The following CKAP2L variants were observed in gnomAD, a reference collection of about 807,000 sequenced individuals.
The protein encoded by CKAP2L is cytoskeleton-associated protein 2-like.
In CKAP2L, 42 loss-of-function variants were observed where a neutral mutation model predicts 65.7. That is an observed-to-expected ratio of 0.64 (90% CI 0.50 to 0.83). The LOEUF is 0.83. Ranked by LOEUF, CKAP2L falls within the 40% of genes least tolerant of loss-of-function variation. CKAP2L has a pLI of 0.00. For missense variants in CKAP2L, 908 were observed against 871.0 expected (o/e 1.04, Z -0.53); for synonymous variants, 325 against 313.5 (o/e 1.04, Z -0.39).
intron 7 of CKAP2L, among the ~76,000 whole-genome samples, chr2:112,741,940 G>GT (rs57634251): frequency 0.017 from 1,200 of 71,920 alleles, 30 homozygotes; most frequent in Middle Eastern, 0.1. Flanking sequence ...TTTCTTTTCT[G>GT]TTTTTTTTTT....
At chr2:112,742,882 T>C in intron 6 of CKAP2L, 113 bp from the exon 7 acceptor site, 1 of 669,406 alleles carries the variant, frequency 1.5e-6, no homozygotes, top group Non-Finnish European at 2.5e-6. Flanking sequence ...TTTTAAAATC[T>C]CGTCTAACTA....
Position 112,756,331 on chromosome 2 carries a change from CTGT to C in CKAP2L, c.1037_1039del (p.Asn346del). 1.9e-6 allele frequency: 3 copies of C among 1,613,532 alleles called. No individual in the cohort carries two copies. Among genetic ancestry groups the C allele is most frequent in the South Asian group, 2.2e-5 (2 of 91,002 alleles). Reference sequence around the variant, plus strand: ...CTGATCTTGCTTGATGTTTGGATGTCTGTTGTTATATTCACCCTGAAGCAAACT... The same window carrying C: ...CTGATCTTGCTTGATGTTTGGATGTCTGTTATATTCACCCTGAAGCAAACT... On this transcript the variant is annotated inframe_deletion, in exon 4 of 9. Transcript: ENST00000302450.
chr2:112,749,859 G>A (rs1475859024), intron 5 of CKAP2L, among the ~76,000 whole-genome samples: 2 of 152,166 alleles, frequency 1.3e-5, no homozygotes, highest in African/African-American at 4.8e-5. Flanking sequence ...GGGCACGAGA[G>A]GGAGGCTGCA....
chr2:112,761,120 C>T (rs753802936), intron 2 of CKAP2L, among the ~76,000 whole-genome samples: 2 of 152,024 alleles, frequency 1.3e-5, no homozygotes, highest in Non-Finnish European at 2.9e-5. Context: ...CTGCAATGTG[C>T]CAGACACCGA....
chr2:112,756,027 C>G lies in CKAP2L; in HGVS notation c.1344G>C (p.Gly448=). The G allele has an allele frequency of 1.2e-6, 2 of 1,607,836 alleles. No individual in the cohort carries two copies. The highest frequency in any genetic ancestry group is 1.7e-6 in the Non-Finnish European group (2 of 1,178,144). ...KTQADVTTVN[G]TQTNPNIKKK... ...TTTTAATATTTGGGTTTGTTTGGGT[C>G]CCATTTACGGTTGTGACATCAGCTT... The change falls in exon 4 of 9, where the codon GGG becomes GGC. Residue 448 remains glycine, a synonymous_variant. Coordinates refer to ENST00000302450, the MANE Select transcript of CKAP2L (RefSeq NM_152515.5).
intron 7 of CKAP2L, among the ~76,000 whole-genome samples, chr2:112,741,443 T>G (rs1558753906): frequency 1.3e-5 from 2 of 152,210 alleles, no homozygotes; most frequent in Non-Finnish European, 2.9e-5. Context: ...GTTACTGCCT[T>G]GGACAGTGGG....
chr2:112,740,857 T>A lies in CKAP2L; in HGVS notation c.1973A>T (p.Asn658Ile), dbSNP rs1679890505. 1 of 1,613,520 alleles carries A rather than the reference T, an allele frequency of 6.2e-7. No individual in the cohort carries two copies. The highest frequency in any genetic ancestry group is 1.3e-5 in the African/African-American group (1 of 74,916). The change falls in exon 8 of 9, where the codon AAT becomes ATT. Residue 658 changes from asparagine (N) to isoleucine (I), a missense_variant. Transcript: ENST00000302450. ...AATCTGTAATTTGATACCAGGATAA[T>A]TATGCTGTTCTGCCTTGGCTATTCG... ...TPRIAKAEQH[N>I]YPGIKLQIGP...
chr2:112,754,138 C>T (rs1680462381), intron 4 of CKAP2L, among the ~76,000 whole-genome samples: 1 of 152,206 alleles, frequency 6.6e-6, no homozygotes, highest in African/African-American at 2.4e-5. Context: ...TATTATCAAG[C>T]TATAAGATGG....
chr2:112,742,485 G>A, intron 7 of CKAP2L: 1 of 718,210 alleles, frequency 1.4e-6, no homozygotes, highest in Middle Eastern at 2.3e-4. Context: ...AGTCTAGGCT[G>A]TTTTGGTGGA....
chr2:112,741,079 A>G, intron 7 of CKAP2L, 72 bp from the exon 8 acceptor site: 1 of 939,446 alleles, frequency 1.1e-6, no homozygotes, highest in Non-Finnish European at 1.7e-6. Context: ...CAATAACATG[A>G]AAAATACATA....
Position 112,762,564 on chromosome 2 carries a change from G to C in CKAP2L, c.43C>G (p.Arg15Gly), listed in dbSNP as rs764319867. ...GPTAAAAVEE[R>G]QRKLQEYLAA... is the part of the protein sequence containing the mutation. ...AGGTACTCCTGAAGCTTTCTCTGCC[G>C]CTCTTCTGCAACACAGGCAAGCAAA... The change falls in exon 2 of 9, where the codon CGG becomes GGG. Residue 15 changes from arginine to glycine, a missense_variant. Transcript: ENST00000302450. 1.2e-6 allele frequency: 2 copies of C among 1,613,004 alleles called. No individual in the cohort carries two copies. The highest frequency in any genetic ancestry group is 2.2e-5 in the South Asian group (2 of 91,056).
Position 112,752,323 on chromosome 2 carries a change from C to T in CKAP2L, c.1546G>A (p.Glu516Lys), listed in dbSNP as rs535556276. Reference protein sequence around the residue: ...KEEEEKKAQLELSSKINNTLT... With the variant: ...KEEEEKKAQLKLSSKINNTLT... ...GTGTTGTTAATTTTACTGGACAGTT[C>T]GAGTTGTGCTTTCTTTTCTTCCTCT... The change falls in exon 5 of 9, where the codon GAA (glutamate) becomes AAA (lysine). Residue 516 changes from glutamate to lysine, a missense_variant. By Grantham distance (56) the Glu-to-Lys change is moderately conservative (BLOSUM62 1). Coordinates refer to ENST00000302450, the MANE Select transcript of CKAP2L (RefSeq NM_152515.5). The T allele has an allele frequency of 3.5e-5, 56 of 1,613,930 alleles. No homozygotes were observed. The Admixed American group carries it at 6.2e-4, about 18-fold the overall frequency.
intron 8 of CKAP2L, among the ~76,000 whole-genome samples, chr2:112,740,254 G>C (rs566074224): frequency 3.3e-5 from 5 of 152,216 alleles, no homozygotes; most frequent in East Asian, 1.9e-4. Context: ...GTGCTTTCCA[G>C]GTAACTAAAA....
intron 4 of CKAP2L, among the ~76,000 whole-genome samples, chr2:112,755,298 G>T (rs965165994): frequency 6.6e-6 from 1 of 152,030 alleles, no homozygotes; most frequent in Non-Finnish European, 1.5e-5. Flanking sequence ...TGATTTCCAC[G>T]CCTGGCTAAT....
chr2:112,762,899 T>G (rs1003673572), intron 1 of CKAP2L, among the ~76,000 whole-genome samples: 5 of 151,532 alleles, frequency 3.3e-5, no homozygotes, highest in Non-Finnish European at 7.4e-5. Flanking sequence ...TCCTCACACC[T>G]CAGTCTCCTG....
Position 112,756,275 on chromosome 2 carries a change from A to G in CKAP2L, c.1096T>C (p.Ser366Pro). 6.2e-7 allele frequency: 1 copy of G among 1,614,044 alleles called. No homozygotes were observed. Among genetic ancestry groups the G allele is most frequent in the African/African-American group, 1.3e-5 (1 of 75,006 alleles). The part of the protein sequence containing the change: ...KSSQVCIPQT[S>P]CVLQKSKAIS... Reference sequence around the variant, plus strand: ...GCTTTTGACTTTTGCAGTACACATGATGTCTGAGGTATACAAACTTGGCTG... The same window carrying G: ...GCTTTTGACTTTTGCAGTACACATGGTGTCTGAGGTATACAAACTTGGCTG... Residue 366 changes from serine to proline, a missense_variant, in exon 4 of 9, where the codon TCA becomes CCA. Physicochemically the swap from Ser to Pro is moderately conservative, Grantham distance 74. Transcript: ENST00000302450.
chr2:112,764,138 G>C (rs1331039135), intron 1 of CKAP2L: 1 of 230,456 alleles, frequency 4.3e-6, no homozygotes. Flanking sequence ...CCCCGCCAGA[G>C]GCAGGAGACC....
intron 7 of CKAP2L, among the ~76,000 whole-genome samples, chr2:112,742,006 TCTCAAACTCCTGAC>T (rs1046911576): frequency 2.0e-5 from 3 of 147,974 alleles, no homozygotes; most frequent in Non-Finnish European, 3.0e-5. Context: ...GTCAGGCTGG[TCTCAAACTCCTGAC>T]CTCAGGTGAT....
At chr2:112,755,430 G>A (rs753521774) in intron 4 of CKAP2L, among the ~76,000 whole-genome samples, 34 of 152,214 alleles carry the variant, frequency 2.2e-4, no homozygotes, top group Non-Finnish European at 4.1e-4. Flanking sequence ...ATGAGCCAGC[G>A]TGCCCGGCCT....
Sources: allele counts gnomAD v4.1 joint callset (sites outside exome capture counted in the v4.1 genomes callset), GRCh38; gene constraint gnomAD v4.1.1; transcripts MANE v1.5; gene names NCBI Gene and HGNC (gene_info 2026-07-23, HGNC 2026-07-21).